LRRC20: variants seen among roughly 807,000 people sequenced by gnomAD.
The protein encoded by LRRC20 is leucine rich repeat containing 20, also known as leucine-rich repeat-containing protein 20.
In LRRC20, 11 loss-of-function variants were observed where a neutral mutation model predicts 14.4. That is an observed-to-expected ratio of 0.77 (90% CI 0.48 to 1.27). The LOEUF (loss-of-function observed/expected upper bound fraction) is 1.27, where lower values mean the gene tolerates loss of function less well. Among genes scored for constraint, LRRC20 ranks in the 50% most tolerant of loss-of-function variants. The pLI is 0.00. For missense variants in LRRC20, 219 were observed against 251.2 expected, an observed-to-expected ratio of 0.87 and a Z score of 0.87; for synonymous variants, 121 against 107.3, an observed-to-expected ratio of 1.13 and a Z score of -0.79.
rs1316471158 is a variant in LRRC20 at position 70,300,771 on chromosome 10, T to C, written c.*583A>G. 8.1e-6 allele frequency: 8 copies of C among 985,596 alleles called. No individual in the cohort carries two copies. The highest frequency in any genetic ancestry group is 9.6e-6 in the Non-Finnish European group (8 of 830,144). The allele number at this position is 985,596 out of a possible 1,614,324, so 61.1% of individuals were successfully genotyped here. A position where few individuals can be genotyped will look rare whatever the true frequency, so the allele number is the denominator to read the frequency against. On this transcript the variant is annotated 3_prime_UTR_variant, in exon 5 of 5. Transcript: ENST00000446961. Reference sequence around the variant, plus strand: ...TGCCAGCCCATATTCCCACCACAGCTCTCCCAGGACTCCTAGTTCAGGTTC... The same window carrying C: ...TGCCAGCCCATATTCCCACCACAGCCCTCCCAGGACTCCTAGTTCAGGTTC...
intron 2 of LRRC20, among the ~76,000 whole-genome samples, chr10:70,347,533 C>T (rs1843118590): frequency 6.6e-6 from 1 of 152,084 alleles, no homozygotes; most frequent in Non-Finnish European, 1.5e-5. Context: ...AGGCAACATA[C>T]AAGTGCCGGG....
chr10:70,367,095 C>G (rs1243943065), intron 2 of LRRC20, among the ~76,000 whole-genome samples: 1 of 151,948 alleles, frequency 6.6e-6, no homozygotes, highest in Non-Finnish European at 1.5e-5. Context: ...GAGGCTGAGG[C>G]AGGAGGAATG....
intron 2 of LRRC20, among the ~76,000 whole-genome samples, chr10:70,374,136 A>G (rs1844409680): frequency 6.6e-6 from 1 of 152,144 alleles, no homozygotes; most frequent in Admixed American, 6.5e-5. Context: ...GTAACTGGGC[A>G]GGGCCTCTCC....
intron 2 of LRRC20, among the ~76,000 whole-genome samples, chr10:70,356,479 G>A (rs1158761629): frequency 1.3e-5 from 2 of 152,118 alleles, no homozygotes; most frequent in African/African-American, 4.8e-5. Context: ...TCATGCCACT[G>A]CACCCCAGCC....
chr10:70,340,326 C>T (rs1842867645), intron 3 of LRRC20, among the ~76,000 whole-genome samples: 1 of 152,146 alleles, frequency 6.6e-6, no homozygotes, highest in Non-Finnish European at 1.5e-5. Flanking sequence ...GGAACCACAC[C>T]CTTGATCCTT....
At chr10:70,344,567 CGTTTT>C (rs1358498748) in intron 2 of LRRC20, among the ~76,000 whole-genome samples, 2 of 151,970 alleles carry the variant, frequency 1.3e-5, no homozygotes, top group African/African-American at 2.4e-5. Flanking sequence ...TATTTATTTT[CGTTTT>C]GTTTTGTTTA....
At chr10:70,335,360 C>A (rs1842691989) in intron 3 of LRRC20, among the ~76,000 whole-genome samples, 1 of 152,208 alleles carries the variant, frequency 6.6e-6, no homozygotes, top group South Asian at 2.1e-4. Flanking sequence ...CCCAGGCTGG[C>A]CGACTGGAGC....
chr10:70,363,068 C>T (rs992072551), intron 2 of LRRC20, among the ~76,000 whole-genome samples: 8 of 149,660 alleles, frequency 5.3e-5, no homozygotes, highest in Admixed American at 2.7e-4. Context: ...CCCAGGAGTT[C>T]GAGACTAGTC....
intron 4 of LRRC20, among the ~76,000 whole-genome samples, chr10:70,315,126 G>A (rs1379835238): frequency 1.3e-5 from 2 of 152,178 alleles, no homozygotes; most frequent in Non-Finnish European, 2.9e-5. Context: ...GATTAAACAA[G>A]AGCATCCTTG....
At chr10:70,318,116 A>G (rs1251809594) in intron 4 of LRRC20, among the ~76,000 whole-genome samples, 1 of 152,214 alleles carries the variant, frequency 6.6e-6, no homozygotes, top group Non-Finnish European at 1.5e-5. Flanking sequence ...CATTTCTAAC[A>G]GCCTTCCGGA....
chr10:70,359,797 C>T (rs1843653263), intron 2 of LRRC20, among the ~76,000 whole-genome samples: 1 of 152,202 alleles, frequency 6.6e-6, no homozygotes, highest in Non-Finnish European at 1.5e-5. Context: ...TTCTCGTCAA[C>T]ACTGTATTTC....
intron 2 of LRRC20, among the ~76,000 whole-genome samples, chr10:70,343,028 A>T (rs537094840): frequency 6.6e-6 from 1 of 152,324 alleles, no homozygotes; most frequent in Admixed American, 6.5e-5. Context: ...TCTATTCCTA[A>T]CAGCAACAAT....
intron 4 of LRRC20, among the ~76,000 whole-genome samples, chr10:70,305,762 A>G (rs1841395963): frequency 1.4e-5 from 2 of 144,432 alleles, no homozygotes; most frequent in Non-Finnish European, 1.5e-5. Context: ...TTTTTTTGAG[A>G]TGGAGTCTCG....
At chr10:70,310,630 A>C (rs758263616) in intron 4 of LRRC20, among the ~76,000 whole-genome samples, 3 of 152,226 alleles carry the variant, frequency 2.0e-5, no homozygotes, top group Non-Finnish European at 4.4e-5. Flanking sequence ...CGGGTGCTCC[A>C]TATCTGTTGG....
At chr10:70,342,640 A>C (rs1291082404) in intron 2 of LRRC20, among the ~76,000 whole-genome samples, 1 of 152,194 alleles carries the variant, frequency 6.6e-6, no homozygotes, top group Non-Finnish European at 1.5e-5. Flanking sequence ...AATGTAGTAA[A>C]ATAATGACTA....
chr10:70,358,100 C>T lies in LRRC20; in HGVS notation c.83-17398G>A, dbSNP rs1016939372. On this transcript the variant is annotated intron_variant, in intron 2 of 4. Coordinates refer to ENST00000446961, the MANE Select transcript of LRRC20 (RefSeq NM_001278212.2). The stretch of plus-strand genomic sequence containing the variant: ...ACATCTTCTTGAGAACATCGCCCTA[C>T]AGAGAAAGTCCAGAAACCCGGATCT... Among the ~76,000 whole-genome samples the T allele has an allele frequency of 5.3e-5, 8 of 152,352 alleles. No individual in the cohort carries two copies. In the Middle Eastern group the frequency reaches 0.01, roughly 194 times the overall value.
At position 70,377,975 on chromosome 10, in the gene LRRC20, T is replaced by C. The variant is rs79056820; in HGVS notation, c.-63-1379A>G. 1.2e-3 allele frequency among the ~76,000 whole-genome samples: 190 copies of C among 152,356 alleles called. 2 individuals carry two copies. In the East Asian group the frequency reaches 0.029, roughly 23 times the overall value. ...GGCCTTGGGAGAGTTTCTTAACTCCTCTGAGCCTGTTTCTTCTTCATGTGA... is the reference window on the plus strand; with the variant it reads ...GGCCTTGGGAGAGTTTCTTAACTCCCCTGAGCCTGTTTCTTCTTCATGTGA... On this transcript the variant is annotated intron_variant, in intron 1 of 4. Transcript: ENST00000446961.
chr10:70,325,164 G>A (rs1296951209), intron 3 of LRRC20, among the ~76,000 whole-genome samples: 1 of 152,170 alleles, frequency 6.6e-6, no homozygotes, highest in Non-Finnish European at 1.5e-5. Context: ...CTGGCTTTGT[G>A]GGCATGGGGC....
At chr10:70,302,095 C>T (rs1841214858) in intron 4 of LRRC20, among the ~76,000 whole-genome samples, 2 of 152,056 alleles carry the variant, frequency 1.3e-5, no homozygotes, top group African/African-American at 2.4e-5. Context: ...GGGTGGATCA[C>T]GAGGTCAGGA....
Sources: allele counts gnomAD v4.1 joint callset (sites outside exome capture counted in the v4.1 genomes callset), GRCh38; gene constraint gnomAD v4.1.1; transcripts MANE v1.5; gene names NCBI Gene and HGNC (gene_info 2026-07-23, HGNC 2026-07-21).